The following ITGA8 variants were observed in gnomAD, a reference collection of about 807,000 sequenced individuals.
ITGA8 encodes the protein integrin alpha-8.
A neutral mutation model predicts 142.3 loss-of-function variants in ITGA8; 91 were observed. The ratio of observed to expected loss-of-function variants is 0.64; its 90% CI spans 0.54 to 0.76. The LOEUF is 0.76. Ranked by LOEUF, ITGA8 falls within the 30% of genes least tolerant of loss-of-function variation. The pLI, the probability that ITGA8 is intolerant of heterozygous loss-of-function variation, is 0.00. For missense variants in ITGA8, 1,406 were observed against 1,327.7 expected (o/e 1.06, Z -0.92); for synonymous variants, 505 against 485.2 (o/e 1.04, Z -0.54).
chr10:15,606,934 G>A (rs1833206571), intron 17 of ITGA8, among the ~76,000 whole-genome samples: 2 of 152,118 alleles, frequency 1.3e-5, no homozygotes, highest in Admixed American at 1.3e-4. Flanking sequence ...AAAAGAAACA[G>A]AACTCCTTTA....
In ITGA8 at chr10:15,531,818, G is replaced by A. The variant is rs1199858715; in HGVS notation, c.2881-667C>T. On this transcript the variant is annotated intron_variant, in intron 27 of 29. Transcript: ENST00000378076. ...AAAATAGCTTGGCATAGTGGCAAGC[G>A]CCTGTAATCCCAGCTATTCAGGAGG... Among the ~76,000 whole-genome samples the A allele has an allele frequency of 6.6e-5, 10 of 151,866 alleles. No homozygotes were observed. The East Asian group carries it at 9.7e-4, about 15-fold the overall frequency.
chr10:15,544,456 T>C (rs1473061207), intron 27 of ITGA8, among the ~76,000 whole-genome samples: 1 of 152,196 alleles, frequency 6.6e-6, no homozygotes, highest in Non-Finnish European at 1.5e-5. Flanking sequence ...TTTTGGACTT[T>C]GAGAGAATAA....
intron 10 of ITGA8, among the ~76,000 whole-genome samples, chr10:15,658,519 CAT>C (rs9333131): frequency 0.096 from 14,652 of 152,108 alleles, 891 homozygotes; most frequent in East Asian, 0.29. Flanking sequence ...GCTCTTCACA[CAT>C]GTCTGGCTGG....
At chr10:15,611,985 G>A (rs1833305850) in intron 15 of ITGA8, among the ~76,000 whole-genome samples, 1 of 152,140 alleles carries the variant, frequency 6.6e-6, no homozygotes, top group South Asian at 2.1e-4. Context: ...GAGCCTATTT[G>A]GGGGAAATAC....
At chr10:15,548,842 C>G (rs1243527830) in intron 26 of ITGA8, among the ~76,000 whole-genome samples, 1 of 152,168 alleles carries the variant, frequency 6.6e-6, no homozygotes, top group East Asian at 1.9e-4. Context: ...GTTTCATTTT[C>G]TCAGAACTGG....
intron 2 of ITGA8, among the ~76,000 whole-genome samples, chr10:15,694,711 A>ATT (rs1390840571): frequency 7.2e-6 from 1 of 139,528 alleles, no homozygotes; most frequent in African/African-American, 2.6e-5. Flanking sequence ...ATGTCGACAT[A>ATT]TGTATTTCTC....
rs7073771 is a variant in ITGA8 at position 15,718,779 on chromosome 10, C to T, written c.330G>A (p.Pro110=). 2.6e-4 allele frequency: 423 copies of T among 1,613,990 alleles called. 2 individuals are homozygous for T. The African/African-American group carries it at 5.0e-3, about 19-fold the overall frequency. The stretch of plus-strand genomic sequence containing the variant: ...AATCTCACTTACTGGTGGTGTCAAA[C>T]GGTATCTGCCTGCACTGCGCAGACC... ...AEGSAQCRQI[P]FDTTNNRKIR... Residue 110 remains proline (P), a synonymous_variant, in exon 2 of 30, where the codon CCG becomes CCA. Transcript: ENST00000378076.
intron 27 of ITGA8, among the ~76,000 whole-genome samples, chr10:15,533,460 C>T (rs1181014685): frequency 1.3e-5 from 2 of 152,046 alleles, no homozygotes; most frequent in South Asian, 2.1e-4. Flanking sequence ...CATGTGTGTA[C>T]CTGGTGATTT....
intron 13 of ITGA8, among the ~76,000 whole-genome samples, chr10:15,629,646 G>T (rs1833649668): frequency 1.3e-5 from 2 of 152,040 alleles, no homozygotes; most frequent in African/African-American, 4.8e-5. Context: ...GTCTTCAGAG[G>T]CTGGGCATGG....
In ITGA8 at chr10:15,706,824, T is replaced by G. The variant is rs137970412; in HGVS notation, c.343+11942A>C. The stretch of plus-strand genomic sequence containing the variant: ...CATTGGCTACCCACCACTCTTAGAA[T>G]AAAATCCCAAATCCTGACCCTGGCC... On this transcript the variant is annotated intron_variant, in intron 2 of 29. Transcript: ENST00000378076. Among the ~76,000 whole-genome samples the G allele has an allele frequency of 1.6e-3, 251 of 152,304 alleles. 1 individual carries two copies. Among genetic ancestry groups the G allele is most frequent in the African/African-American group, 5.2e-3 (215 of 41,566 alleles).
rs1832956389 is a variant in ITGA8, at chr10:15,516,009, T to G, written c.*1149A>C. The G allele has an allele frequency of 6.6e-6, 1 of 152,206 alleles. No individual in the cohort carries two copies. The highest frequency in any genetic ancestry group is 2.1e-4 in the South Asian group (1 of 4,832). The allele number at this position is 152,206 out of a possible 1,614,324, so 9.4% of individuals were successfully genotyped here. ...GGCTCATGCCTGTATAATTTTATGT[T>G]TTTGTCTAAGTTATATTCAACATGT... On this transcript the variant is annotated 3_prime_UTR_variant, in exon 30 of 30. Coordinates refer to ENST00000378076, the MANE Select transcript of ITGA8 (RefSeq NM_003638.3).
chr10:15,637,517 T>G (rs201987214), intron 13 of ITGA8, among the ~76,000 whole-genome samples: 35 of 149,936 alleles, frequency 2.3e-4, no homozygotes, highest in East Asian at 1.4e-3. Flanking sequence ...TTTTTTTTTT[T>G]TTTTTGTTTT....
In ITGA8 at chr10:15,609,684, A is replaced by AG. The variant is rs1833257895; in HGVS notation, c.1554-1395_1554-1394insC. On this transcript the variant is annotated intron_variant, in intron 15 of 29. Transcript: ENST00000378076. The stretch of plus-strand genomic sequence containing the variant: ...AATTTTGTAGTAAGCCTGGCTTTCA[A>AG]AATTAGAATTTTTCTGTATCCAACC... Among the ~76,000 whole-genome samples the AG allele has an allele frequency of 5.3e-5, 8 of 152,362 alleles. No individual in the cohort carries two copies. The East Asian group carries it at 1.5e-3, about 29-fold the overall frequency.
intron 13 of ITGA8, among the ~76,000 whole-genome samples, chr10:15,636,887 G>A (rs1262348245): frequency 6.6e-6 from 1 of 152,236 alleles, no homozygotes; most frequent in Non-Finnish European, 1.5e-5. Context: ...GCTCACACCT[G>A]TAATACCAGC....
In ITGA8 at chr10:15,652,951, G is replaced by A. The variant is rs970293851; in HGVS notation, c.1001+2403C>T. Among the ~76,000 whole-genome samples the A allele has an allele frequency of 1.8e-4, 28 of 152,328 alleles. 1 individual carries two copies. The highest frequency in any genetic ancestry group is 1.1e-3 in the Admixed American group (17 of 15,310). On this transcript the variant is annotated intron_variant, in intron 11 of 29. Transcript: ENST00000378076. ...GTACTGCTCACCTGGAATCCCCATG[G>A]CTCACAGGACGTTGTAGCCTTCTTG...
At chr10:15,696,674 T>C (rs1339874398) in intron 2 of ITGA8, among the ~76,000 whole-genome samples, 1 of 152,072 alleles carries the variant, frequency 6.6e-6, no homozygotes, top group Non-Finnish European at 1.5e-5. Flanking sequence ...TATTTCCTTC[T>C]GATCAAAAAA....
intron 4 of ITGA8, among the ~76,000 whole-genome samples, chr10:15,679,370 G>T (rs1295577332): frequency 2.6e-5 from 4 of 152,128 alleles, no homozygotes; most frequent in African/African-American, 9.7e-5. Flanking sequence ...AGATCATGAG[G>T]TCAAGAGATT....
intron 13 of ITGA8, among the ~76,000 whole-genome samples, chr10:15,632,870 A>G (rs1833708659): frequency 6.6e-6 from 1 of 151,252 alleles, no homozygotes; most frequent in Admixed American, 6.6e-5. Flanking sequence ...CTGTCTTATG[A>G]AGGATGGGAG....
intron 17 of ITGA8, 75 bp from the exon 18 acceptor site, chr10:15,606,497 A>G: frequency 7.1e-7 from 1 of 1,403,798 alleles, no homozygotes; most frequent in South Asian, 1.3e-5. Flanking sequence ...AAAGTCAGGC[A>G]ACACTGGAAT....
Sources: allele counts gnomAD v4.1 joint callset (sites outside exome capture counted in the v4.1 genomes callset), GRCh38; gene constraint gnomAD v4.1.1; transcripts MANE v1.5; gene names NCBI Gene and HGNC (gene_info 2026-07-23, HGNC 2026-07-21).